The following FAT3 variants were observed in gnomAD, a reference collection of about 807,000 sequenced individuals.
FAT3 encodes the protein protocadherin Fat 3.
In FAT3, 95 loss-of-function variants were observed where a neutral mutation model predicts 310.2. The observed-to-expected ratio is 0.31, with a 90% confidence interval of 0.26 to 0.36. FAT3 has a LOEUF of 0.36. Ranked by LOEUF, FAT3 falls within the 10% of genes least tolerant of loss-of-function variation. FAT3 has a pLI of 1.00. For synonymous variants in FAT3, 2,314 were observed against 2,192.9 expected, an observed-to-expected ratio of 1.06 and a Z score of -1.54; for missense variants, 5,408 against 5,715.6, an observed-to-expected ratio of 0.95 and a Z score of 1.74.
At chr11:92,450,760 A>G (rs1391125551) in intron 2 of FAT3, among the ~76,000 whole-genome samples, 1 of 152,192 alleles carries the variant, frequency 6.6e-6, no homozygotes, top group Non-Finnish European at 1.5e-5. Flanking sequence ...TGGCTATGCT[A>G]AACTGATACT....
At chr11:92,438,187 T>A (rs1334320981) in intron 2 of FAT3, among the ~76,000 whole-genome samples, 4 of 152,170 alleles carry the variant, frequency 2.6e-5, no homozygotes, top group African/African-American at 9.7e-5. Context: ...AATTTAAAAA[T>A]AAAATAAAGA....
At chr11:92,485,316 C>A (rs558850) in intron 2 of FAT3, among the ~76,000 whole-genome samples, 4 of 151,978 alleles carry the variant, frequency 2.6e-5, no homozygotes, top group East Asian at 1.9e-4. Flanking sequence ...CATATGTGCC[C>A]TCCGCCTCAT....
intron 3 of FAT3, among the ~76,000 whole-genome samples, chr11:92,690,141 C>A (rs865789758): frequency 5.3e-5 from 8 of 152,156 alleles, no homozygotes; most frequent in Admixed American, 2.6e-4. Context: ...ATATTTCTGG[C>A]AGAAAAATAC....
chr11:92,642,967 A>G (rs1330845100), intron 3 of FAT3, among the ~76,000 whole-genome samples: 1 of 152,204 alleles, frequency 6.6e-6, no homozygotes, highest in Non-Finnish European at 1.5e-5. Flanking sequence ...CAATTATCCT[A>G]GTGACCCTGT....
chr11:92,893,087 C>CAT lies in FAT3; in HGVS notation c.*1977_*1978dup, dbSNP rs1349146162. On this transcript the variant is annotated 3_prime_UTR_variant, in exon 28 of 28. Coordinates refer to ENST00000525166, the MANE Select transcript of FAT3 (RefSeq NM_001367949.2). ...CTAGTCTGTGCATTATTCACTCAGA[C>CAT]ATATTTTTAGTTATTTCAATTGCGT... 2 of 152,038 alleles carry CAT rather than the reference C, an allele frequency of 1.3e-5. No individual in the cohort carries two copies. Among genetic ancestry groups the CAT allele is most frequent in the East Asian group, 3.9e-4 (2 of 5,190 alleles). The allele number at this position is 152,038 out of a possible 1,614,324, so 9.4% of individuals were successfully genotyped here. A position where few individuals can be genotyped will look rare whatever the true frequency, so the allele number is the denominator to read the frequency against.
chr11:92,683,590 C>T (rs1205843900), intron 3 of FAT3, among the ~76,000 whole-genome samples: 3 of 152,172 alleles, frequency 2.0e-5, no homozygotes, highest in East Asian at 1.9e-4. Context: ...TTCACCCGAT[C>T]CTCTAACCAC....
intron 21 of FAT3, among the ~76,000 whole-genome samples, chr11:92,861,782 G>C (rs911871090): frequency 2.6e-5 from 4 of 152,212 alleles, no homozygotes; most frequent in African/African-American, 9.6e-5. Flanking sequence ...CTTGGCTTTA[G>C]GTACAGTATG....
Position 92,447,941 on chromosome 11 carries a change from C to G in FAT3, c.3293-76693C>G, listed in dbSNP as rs1951259864. ...AGAAGGCAGGATCCAGAATTAGGTT[C>G]AAATTGACCCTAAGTTTTTAAAGGT... On this transcript the variant is annotated intron_variant, in intron 2 of 27. Coordinates refer to ENST00000525166, the MANE Select transcript of FAT3 (RefSeq NM_001367949.2). Among the ~76,000 whole-genome samples, 3 of 152,222 alleles carry G rather than the reference C, an allele frequency of 2.0e-5. No individual in the cohort carries two copies. In the South Asian group the frequency reaches 6.2e-4, roughly 32 times the overall value.
rs559232756 is a variant in FAT3 at position 92,256,675 on chromosome 11, T to C, written c.-18+31501T>C. 6.6e-5 allele frequency among the ~76,000 whole-genome samples: 10 copies of C among 152,242 alleles called. No individual in the cohort carries two copies. In the South Asian group the frequency reaches 2.1e-3, roughly 32 times the overall value. On this transcript the variant is annotated intron_variant, in intron 1 of 27. Transcript: ENST00000525166. Reference sequence around the variant, plus strand: ...GTTTGTATCACATTAATATTTATTATGGATTTACTCTGGGCCGTAGGATGT... The same window carrying C: ...GTTTGTATCACATTAATATTTATTACGGATTTACTCTGGGCCGTAGGATGT...
chr11:92,334,739 G>A (rs1948011251), intron 1 of FAT3, among the ~76,000 whole-genome samples: 1 of 152,150 alleles, frequency 6.6e-6, no homozygotes, highest in Non-Finnish European at 1.5e-5. Context: ...CTACCTGGAG[G>A]AGAAAAGATA....
rs1951333692 is a variant in FAT3 at position 92,450,736 on chromosome 11, A to AT, written c.3293-73898_3293-73897insT. On this transcript the variant is annotated intron_variant, in intron 2 of 27. Coordinates refer to ENST00000525166, the MANE Select transcript of FAT3 (RefSeq NM_001367949.2). ...GGTGATAATTTTGGAAGCCTAAAAT[A>AT]GCCTTTGCCTTTGTGGCTATGCTAA... 2.0e-5 allele frequency among the ~76,000 whole-genome samples: 3 copies of AT among 152,356 alleles called. No homozygotes were observed. In the South Asian group the frequency reaches 6.2e-4, roughly 32 times the overall value.
At chr11:92,757,972 A>T (rs556061626) in intron 4 of FAT3, among the ~76,000 whole-genome samples, 1 of 152,278 alleles carries the variant, frequency 6.6e-6, no homozygotes, top group Admixed American at 6.5e-5. Flanking sequence ...TGAACCTCAG[A>T]GTGCATGGTT....
chr11:92,656,165 C>A (rs1193970010), intron 3 of FAT3, among the ~76,000 whole-genome samples: 1 of 152,138 alleles, frequency 6.6e-6, no homozygotes, highest in Non-Finnish European at 1.5e-5. Context: ...ACATACGTTC[C>A]TACTAGGAAC....
intron 4 of FAT3, among the ~76,000 whole-genome samples, chr11:92,708,824 A>G (rs901673242): frequency 6.6e-6 from 1 of 152,234 alleles, no homozygotes; most frequent in African/African-American, 2.4e-5. Flanking sequence ...TTAGAGATTT[A>G]TCAGCTTCCG....
intron 1 of FAT3, among the ~76,000 whole-genome samples, chr11:92,329,904 G>A (rs974475764): frequency 4.0e-5 from 6 of 151,482 alleles, no homozygotes; most frequent in Non-Finnish European, 8.8e-5. Flanking sequence ...CACACTGGGT[G>A]ATACCAGAGG....
At chr11:92,747,843 A>G (rs561333101) in intron 4 of FAT3, among the ~76,000 whole-genome samples, 12 of 152,296 alleles carry the variant, frequency 7.9e-5, no homozygotes, top group African/African-American at 2.9e-4. Flanking sequence ...TCCATCTGAG[A>G]CAACCTCAGC....
At chr11:92,718,175 T>C (rs1056440149) in intron 4 of FAT3, among the ~76,000 whole-genome samples, 2 of 152,150 alleles carry the variant, frequency 1.3e-5, no homozygotes, top group South Asian at 2.1e-4. Flanking sequence ...GGTCACTCCC[T>C]AGTGGCAAGA....
At position 92,268,323 on chromosome 11, in the gene FAT3, T is replaced by C. The variant is rs77099296; in HGVS notation, c.-18+43149T>C. 6.8e-3 allele frequency among the ~76,000 whole-genome samples: 1,041 copies of C among 152,150 alleles called. 13 individuals are homozygous for C. The highest frequency in any genetic ancestry group is 0.023 in the African/African-American group (957 of 41,530). Reference sequence around the variant, plus strand: ...CCATACCTTTTCCACTACCCCACATTAAAGCCACTCAGCTCCTTAGTGATG... The same window carrying C: ...CCATACCTTTTCCACTACCCCACATCAAAGCCACTCAGCTCCTTAGTGATG... On this transcript the variant is annotated intron_variant, in intron 1 of 27. Transcript: ENST00000525166.
chr11:92,655,592 ACTTACTC>A (rs913120737), intron 3 of FAT3, among the ~76,000 whole-genome samples: 33 of 152,186 alleles, frequency 2.2e-4, no homozygotes, highest in African/African-American at 7.2e-4. Flanking sequence ...CATCCCATCT[ACTTACTC>A]CTGACTCTTT....
Sources: allele counts gnomAD v4.1 joint callset (sites outside exome capture counted in the v4.1 genomes callset), GRCh38; gene constraint gnomAD v4.1.1; transcripts MANE v1.5; gene names NCBI Gene and HGNC (gene_info 2026-07-23, HGNC 2026-07-21).